PLBD1: variants seen among roughly 807,000 people sequenced by gnomAD.
PLBD1 encodes lysosomal leucine aminopeptidase.
Under a neutral mutation model 63.0 loss-of-function variants are expected in PLBD1, and 60 were observed. That is an observed-to-expected ratio of 0.95 (90% CI 0.77 to 1.18). The LOEUF is 1.18. Among genes scored for constraint, PLBD1 ranks in the 50% most tolerant of loss-of-function variants. PLBD1 has a pLI of 0.00. For synonymous variants in PLBD1, 262 were observed against 248.0 expected, an observed-to-expected ratio of 1.06 and a Z score of -0.53; for missense variants, 598 against 677.9, an observed-to-expected ratio of 0.88 and a Z score of 1.31.
chr12:14,514,849 A>G (rs980185820), intron 6 of PLBD1, among the ~76,000 whole-genome samples: 3 of 151,986 alleles, frequency 2.0e-5, no homozygotes, highest in Non-Finnish European at 4.4e-5. Flanking sequence ...CTGGGATTAC[A>G]GGTATGAGCC....
intron 6 of PLBD1, among the ~76,000 whole-genome samples, chr12:14,515,037 G>A (rs867637633): frequency 3.9e-5 from 6 of 151,936 alleles, no homozygotes; most frequent in South Asian, 4.1e-4. Flanking sequence ...AAACACTTCC[G>A]GTTAATAAAT....
chr12:14,521,724 C>A (rs1164627979), intron 6 of PLBD1, among the ~76,000 whole-genome samples: 2 of 151,980 alleles, frequency 1.3e-5, no homozygotes, highest in Non-Finnish European at 1.5e-5. Context: ...GACATCAGTG[C>A]AGGGACACAA....
chr12:14,519,945 A>G (rs1485943940), intron 6 of PLBD1, among the ~76,000 whole-genome samples: 2 of 152,190 alleles, frequency 1.3e-5, no homozygotes, highest in African/African-American at 4.8e-5. Context: ...ATTTAAGAGG[A>G]AAATTTTGGG....
Position 14,503,670 on chromosome 12 carries a change from C to G in PLBD1, c.*102G>C, listed in dbSNP as rs1271488265. On this transcript the variant is annotated 3_prime_UTR_variant, in exon 11 of 11. Coordinates refer to ENST00000240617, the MANE Select transcript of PLBD1 (RefSeq NM_024829.6). ...CAAAGTCAGTGGGAAATGAAAGTGA[C>G]AAATTAATATATTTTATTGCATAAT... 1 of 1,182,570 alleles carries G rather than the reference C, an allele frequency of 8.5e-7. No individual in the cohort carries two copies. The highest frequency in any genetic ancestry group is 1.5e-5 in the South Asian group (1 of 65,804). 73.3% of individuals were successfully genotyped at this position (1,182,570 alleles called of 1,614,324 possible). A position where few individuals can be genotyped will look rare whatever the true frequency, so the allele number is the denominator to read the frequency against.
In PLBD1 at chr12:14,535,739, A is replaced by G. The variant is rs1366906880; in HGVS notation, c.764T>C (p.Leu255Pro). The G allele has an allele frequency of 6.2e-7, 1 of 1,614,044 alleles. No homozygotes were observed. Among genetic ancestry groups the G allele is most frequent in the Non-Finnish European group, 8.5e-7 (1 of 1,179,902 alleles). ...HSSWYTYAAM[L>P]RIYKHWDFNV... ...GAAGTCCCAGTGTTTATATATCCTG[A>G]GCATGGCTGCATACGTGTACCAGCT... The change falls in exon 6 of 11, where the codon CTC (leucine) becomes CCC (proline). Residue 255 changes from leucine to proline, a missense_variant. Coordinates refer to ENST00000240617, the MANE Select transcript of PLBD1 (RefSeq NM_024829.6).
Position 14,567,642 on chromosome 12 carries a change from GAA to G in PLBD1, c.53_54del (p.Leu18ProfsTer33), listed in dbSNP as rs1945805181. The G allele has an allele frequency of 6.7e-6, 10 of 1,498,572 alleles. No individual in the cohort carries two copies. The highest frequency in any genetic ancestry group is 2.0e-4 in the Middle Eastern group (1 of 4,936). 92.8% of individuals were successfully genotyped at this position (1,498,572 alleles called of 1,614,324 possible). A position where few individuals can be genotyped will look rare whatever the true frequency, so the allele number is the denominator to read the frequency against. ...AGCGGCAGCAGCAGCAGCAGCAGCAGAAGCGGTGGCGGCTGTGGCAGCCCCGG... is the reference window on the plus strand; with the variant it reads ...AGCGGCAGCAGCAGCAGCAGCAGCAGGCGGTGGCGGCTGTGGCAGCCCCGG... The part of the protein sequence containing the change: ...GRPGLPQPPP[L>X]LLLLLLLPLL... On this transcript the variant is annotated frameshift_variant, in exon 1 of 11. Transcript: ENST00000240617. LOFTEE classifies it high-confidence loss of function.
At chr12:14,533,259 CAT>C (rs1314783925) in intron 6 of PLBD1, 1 of 152,176 alleles carries the variant, frequency 6.6e-6, no homozygotes, top group Non-Finnish European at 1.5e-5. Flanking sequence ...TGAGACTGCA[CAT>C]GTTTTCCTGT....
At chr12:14,562,642 C>G (rs1945750296) in intron 1 of PLBD1, among the ~76,000 whole-genome samples, 1 of 152,098 alleles carries the variant, frequency 6.6e-6, no homozygotes, top group African/African-American at 2.4e-5. Context: ...AACACATTTT[C>G]TAGTCACATT....
Position 14,549,431 on chromosome 12 carries a change from C to A in PLBD1, c.335+3762G>T, listed in dbSNP as rs150696441. On this transcript the variant is annotated intron_variant, in intron 2 of 10. Coordinates refer to ENST00000240617, the MANE Select transcript of PLBD1 (RefSeq NM_024829.6). ...AGAGGTCCTCTCAGGCTCTTGGTAC[C>A]ACATATATGGGAAGCCCCTCTTTGA... 3.5e-3 allele frequency among the ~76,000 whole-genome samples: 538 copies of A among 152,264 alleles called. 2 individuals are homozygous for A. Among genetic ancestry groups the A allele is most frequent in the African/African-American group, 0.012 (497 of 41,546 alleles).
chr12:14,565,854 A>G (rs1030252299), intron 1 of PLBD1, among the ~76,000 whole-genome samples: 6 of 152,214 alleles, frequency 3.9e-5, no homozygotes, highest in African/African-American at 1.4e-4. Context: ...ATTGCTGGGC[A>G]TGGTGCTGTC....
chr12:14,535,261 G>A (rs914063716), intron 6 of PLBD1, among the ~76,000 whole-genome samples: 10 of 152,210 alleles, frequency 6.6e-5, no homozygotes, highest in Non-Finnish European at 1.3e-4. Context: ...GTTAAGTGCT[G>A]TGGATAGTGC....
At chr12:14,538,350 G>C (rs1016389284) in intron 4 of PLBD1, among the ~76,000 whole-genome samples, 5 of 151,156 alleles carry the variant, frequency 3.3e-5, no homozygotes, top group African/African-American at 1.2e-4. Context: ...CCCGCCCCAT[G>C]TCCAGCTAAT....
At chr12:14,558,386 G>A (rs1413903184) in intron 1 of PLBD1, among the ~76,000 whole-genome samples, 1 of 152,168 alleles carries the variant, frequency 6.6e-6, no homozygotes, top group Non-Finnish European at 1.5e-5. Flanking sequence ...TTTGACAATT[G>A]TAGGCAGCAC....
intron 2 of PLBD1, among the ~76,000 whole-genome samples, chr12:14,548,572 A>C (rs991312823): frequency 6.6e-6 from 1 of 151,984 alleles, no homozygotes. Context: ...AGTTTCTAAC[A>C]CCAAATGGAG....
At chr12:14,511,112 TG>T in intron 8 of PLBD1, 147 bp downstream of exon 8, 1 of 803,770 alleles carries the variant, frequency 1.2e-6, no homozygotes, top group Non-Finnish European at 1.9e-6. Flanking sequence ...GTGCTAAACC[TG>T]GTCATTCTGG....
rs901070623 is a variant in PLBD1, at chr12:14,503,670, CAAAT to C, written c.*98_*101del. ...CAAAGTCAGTGGGAAATGAAAGTGACAAATTAATATATTTTATTGCATAATTCTG... is the reference window on the plus strand; with the variant it reads ...CAAAGTCAGTGGGAAATGAAAGTGACTAATATATTTTATTGCATAATTCTG... On this transcript the variant is annotated 3_prime_UTR_variant, in exon 11 of 11. Coordinates refer to ENST00000240617, the MANE Select transcript of PLBD1 (RefSeq NM_024829.6). 3.4e-6 allele frequency: 4 copies of C among 1,182,856 alleles called. No individual in the cohort carries two copies. In the African/African-American group the frequency reaches 4.7e-5, roughly 14 times the overall value. The allele number at this position is 1,182,856 out of a possible 1,614,324, so 73.3% of individuals were successfully genotyped here. A position where few individuals can be genotyped will look rare whatever the true frequency, so the allele number is the denominator to read the frequency against.
At chr12:14,542,377 C>T in intron 2 of PLBD1, 86 bp from the exon 3 acceptor site, 1 of 1,005,120 alleles carries the variant, frequency 9.9e-7, no homozygotes, top group South Asian at 1.4e-5. Flanking sequence ...ATTTGGCTAA[C>T]TAGGATGTCC....
In PLBD1 at chr12:14,506,993, G is replaced by A. The variant is rs758315144; in HGVS notation, c.1312C>T (p.Arg438Trp). 3.3e-5 allele frequency: 54 copies of A among 1,613,868 alleles called. No homozygotes were observed. The highest frequency in any genetic ancestry group is 1.6e-4 in the Middle Eastern group (1 of 6,084). Residue 438 changes from arginine to tryptophan, a missense_variant, in exon 9 of 11, where the codon CGG (arginine) becomes TGG (tryptophan). Arg to Trp is a moderately radical substitution (Grantham distance 101). Transcript: ENST00000240617. ...TCAGTCACTTTCCCTTGGTCACGCC[G>A]GAAAATTTTGGCTCGTGGAGCTAAA... is the stretch of plus-strand genomic sequence containing the variant. Reference protein sequence around the residue: ...YDLAPRAKIFRRDQGKVTDTA... With the variant: ...YDLAPRAKIFWRDQGKVTDTA...
At position 14,506,976 on chromosome 12, in the gene PLBD1, T is replaced by C. The variant is rs769086796; in HGVS notation, c.1329A>G (p.Lys443=). The C allele has an allele frequency of 6.2e-7, 1 of 1,614,156 alleles. No individual in the cohort carries two copies. Among genetic ancestry groups the C allele is most frequent in the Non-Finnish European group, 8.5e-7 (1 of 1,179,996 alleles). The change falls in exon 9 of 11, where the codon AAA becomes AAG. Residue 443 remains lysine (K), a synonymous_variant. Coordinates refer to ENST00000240617, the MANE Select transcript of PLBD1 (RefSeq NM_024829.6). ...RAKIFRRDQG[K]VTDTASMKYI... ...ATTTCATGGATGCCGTATCAGTCAC[T>C]TTCCCTTGGTCACGCCGGAAAATTT...
Sources: gnomAD v4.1 joint callset for allele counts (sites outside exome capture counted in the v4.1 genomes callset) on GRCh38, gnomAD v4.1.1 for gene constraint, MANE v1.5 for transcripts, NCBI Gene and HGNC (gene_info 2026-07-23, HGNC 2026-07-21) for gene names.